Variants in TENM2 observed in about 807,000 individuals in gnomAD.
The protein encoded by TENM2 is teneurin transmembrane protein 2.
In TENM2, 52 loss-of-function variants were observed where a neutral mutation model predicts 245.2. That is an observed-to-expected ratio of 0.21 (90% CI 0.17 to 0.27). TENM2 has a LOEUF of 0.27. Among genes scored for constraint, TENM2 ranks in the 10% least tolerant of loss-of-function variants. The pLI, the probability that TENM2 is intolerant of heterozygous loss-of-function variation, is 1.00. For missense variants in TENM2, 3,046 were observed against 3,666.8 expected (o/e 0.83, Z 4.37); for synonymous variants, 1,363 against 1,438.9 (o/e 0.95, Z 1.19).
chr5:167,622,545 C>T (rs187469017), intron 2 of TENM2, among the ~76,000 whole-genome samples: 1 of 152,166 alleles, frequency 6.6e-6, no homozygotes, highest in Admixed American at 6.6e-5. Context: ...TGGGACCCAT[C>T]CTTAGACCCA....
At chr5:167,964,797 G>T (rs1322683397) in intron 4 of TENM2, among the ~76,000 whole-genome samples, 23 of 151,812 alleles carry the variant, frequency 1.5e-4, no homozygotes, top group Admixed American at 1.5e-3. Context: ...GCAAGAGAAA[G>T]CAAACTAGAA....
chr5:166,982,178 G>A, the TENM2 span, among the ~76,000 whole-genome samples: 1 of 152,064 alleles, frequency 6.6e-6, no homozygotes, highest in South Asian at 2.1e-4. Flanking sequence ...GTAACTTGGG[G>A]TGATGGCTAT....
At chr5:167,709,130 C>G (rs1245995477) in intron 2 of TENM2, among the ~76,000 whole-genome samples, 1 of 152,140 alleles carries the variant, frequency 6.6e-6, no homozygotes, top group Non-Finnish European at 1.5e-5. Context: ...GGTGGGCAGA[C>G]AGGGGACACT....
exon 2 of TENM2, chr5:167,375,354 C>A: frequency 6.4e-7 from 1 of 1,551,684 alleles, no homozygotes. Flanking sequence ...CCAGAACACG[C>A]CATCAGACTG....
At chr5:167,403,938 A>T (rs1762497759) in intron 2 of TENM2, among the ~76,000 whole-genome samples, 1 of 151,486 alleles carries the variant, frequency 6.6e-6, no homozygotes, top group African/African-American at 2.4e-5. Flanking sequence ...TCTTATCACC[A>T]AAAGATTTTC....
At chr5:168,078,062 T>A (rs1178836108) in intron 7 of TENM2, among the ~76,000 whole-genome samples, 1 of 152,242 alleles carries the variant, frequency 6.6e-6, no homozygotes, top group Non-Finnish European at 1.5e-5. Context: ...AAAATGTTCC[T>A]ATTTCTCCAC....
chr5:167,858,967 G>T lies in TENM2; in HGVS notation c.503-17019G>T, dbSNP rs1220093524. Reference sequence around the variant, plus strand: ...AAGTGAGGAGTGTCTCTGCCTGGCCGCCCATCGTCTGGGATGTGAGGAGCC... The same window carrying T: ...AAGTGAGGAGTGTCTCTGCCTGGCCTCCCATCGTCTGGGATGTGAGGAGCC... On this transcript the variant is annotated intron_variant, in intron 2 of 28. Coordinates refer to ENST00000518659, the Ensembl canonical transcript of TENM2. Among the ~76,000 whole-genome samples, 7 of 143,766 alleles carry T rather than the reference G, an allele frequency of 4.9e-5. No homozygotes were observed. The South Asian group carries it at 1.1e-3, about 23-fold the overall frequency. The allele number at this position is 143,766 out of a possible 152,430, so 94.3% of individuals were successfully genotyped here.
intron 2 of TENM2, among the ~76,000 whole-genome samples, chr5:167,732,015 C>A (rs1760475893): frequency 6.6e-6 from 1 of 152,072 alleles, no homozygotes; most frequent in Non-Finnish European, 1.5e-5. Flanking sequence ...GGGCTTTAAT[C>A]CCTTGGAAAG....
intron 5 of TENM2, among the ~76,000 whole-genome samples, chr5:167,997,146 C>T (rs1206976840): frequency 6.6e-6 from 1 of 152,212 alleles, no homozygotes; most frequent in African/African-American, 2.4e-5. Flanking sequence ...TTGACAAGCA[C>T]TGACACCGAG....
intron 5 of TENM2, among the ~76,000 whole-genome samples, chr5:168,042,946 A>G (rs1459192580): frequency 6.6e-6 from 1 of 152,142 alleles, no homozygotes; most frequent in Admixed American, 6.5e-5. Context: ...TTAGTGACCC[A>G]TGGAGCCCGA....
intron 1 of TENM2, among the ~76,000 whole-genome samples, chr5:167,288,344 G>A (rs1200429227): frequency 6.6e-6 from 1 of 152,126 alleles, no homozygotes; most frequent in Non-Finnish European, 1.5e-5. Context: ...CGGATCACGA[G>A]GTCAAGAGAT....
rs1407241019 is a variant in TENM2, at chr5:167,385,854, ATATGTGTGTG to A, written c.502+10383_502+10392del. 1.4e-3 allele frequency among the ~76,000 whole-genome samples: 179 copies of A among 130,188 alleles called. 1 individual carries two copies. The South Asian group carries it at 0.014, about 10-fold the overall frequency. 85.4% of individuals were successfully genotyped at this position (130,188 alleles called of 152,430 possible). ...GGCTGAGTAGTATTCCATTATATAT[ATATGTGTGTG>A]TGTGTGTGTGTGTGTGTGTGTGTGT... On this transcript the variant is annotated intron_variant, in intron 2 of 28. Transcript: ENST00000518659.
Position 168,247,130 on chromosome 5 carries a change from G to C in TENM2, c.6191G>C (p.Arg2064Thr). The C allele has an allele frequency of 6.2e-7, 1 of 1,613,940 alleles. No homozygotes were observed. Among genetic ancestry groups the C allele is most frequent in the African/African-American group, 1.3e-5 (1 of 75,036 alleles). ...AGTGGGGGCTTCTCCTGCACCATCA[G>C]GTACCGGAAGATTGGCCCCCTGGTG... The change falls in exon 27 of 29, where the codon AGG becomes ACG. Residue 2064 changes from arginine (R) to threonine (T), a missense_variant. By Grantham distance (71) the Arg-to-Thr change is moderately conservative (BLOSUM62 -1). Around this residue, in one of 2 missense-constraint regions of TENM2, gnomAD observed 2,704 missense variants for 3,331.9 expected, o/e 0.81. Coordinates refer to ENST00000518659, the Ensembl canonical transcript of TENM2. The surrounding 1 kb of genome is among the most constrained non-coding windows in gnomAD (Gnocchi z 7.8).
the TENM2 span, among the ~76,000 whole-genome samples, chr5:167,107,091 C>CAAAAAAAAAAAA: frequency 1.5e-5 from 1 of 68,900 alleles, no homozygotes; most frequent in African/African-American, 4.0e-5. Flanking sequence ...CTAAAAAATA[C>CAAAAAAAAAAAA]AAAAAAAAAA....
intron 1 of TENM2, among the ~76,000 whole-genome samples, chr5:167,350,888 G>GGT: frequency 1.3e-5 from 1 of 75,636 alleles, no homozygotes; most frequent in African/African-American, 4.2e-5. Context: ...ATATATATGG[G>GGT]ATGTATACAT....
intron 2 of TENM2, among the ~76,000 whole-genome samples, chr5:167,811,326 C>T (rs563602370): frequency 6.6e-6 from 1 of 152,110 alleles, no homozygotes; most frequent in Non-Finnish European, 1.5e-5. Flanking sequence ...GCTGTCCTTG[C>T]AATAGTGAGT....
intron 2 of TENM2, among the ~76,000 whole-genome samples, chr5:167,598,766 C>T (rs1582498813): frequency 6.7e-6 from 1 of 150,308 alleles, no homozygotes; most frequent in African/African-American, 2.4e-5. Flanking sequence ...TTTTTAATGT[C>T]GGAGGCAATG....
At chr5:167,557,567 G>A (rs1325365911) in intron 2 of TENM2, among the ~76,000 whole-genome samples, 5 of 152,202 alleles carry the variant, frequency 3.3e-5, no homozygotes, top group South Asian at 2.1e-4. Context: ...AAGCATGTAG[G>A]AAATGCTTGA....
chr5:167,768,663 A>G (rs1763201360), intron 2 of TENM2, among the ~76,000 whole-genome samples: 1 of 152,152 alleles, frequency 6.6e-6, no homozygotes, highest in South Asian at 2.1e-4. Context: ...AAAGCCACTG[A>G]CTGTGTGACC....
Sources: gnomAD v4.1 joint callset for allele counts (sites outside exome capture counted in the v4.1 genomes callset) on GRCh38, gnomAD v4.1.1 for gene constraint, gnomAD v4.1.1 regional missense constraint, Gnocchi (gnomAD v3.1) non-coding constraint, MANE v1.5 for transcripts, NCBI Gene and HGNC (gene_info 2026-07-23, HGNC 2026-07-21) for gene names.